UGT1A5: variants seen among roughly 807,000 people sequenced by gnomAD.
UGT1A5 encodes UDP glucuronosyltransferase family 1 member A5.
A neutral mutation model predicts 40.3 loss-of-function variants in UGT1A5; 29 were observed. That is an observed-to-expected ratio of 0.72 (90% CI 0.54 to 0.98). UGT1A5 has a LOEUF of 0.98. Ranked by LOEUF, UGT1A5 falls within the 50% of genes least tolerant of loss-of-function variation. UGT1A5 has a pLI of 0.00. For synonymous variants in UGT1A5, 257 were observed against 262.5 expected, an observed-to-expected ratio of 0.98 and a Z score of 0.20; for missense variants, 678 against 677.9, an observed-to-expected ratio of 1.00 and a Z score of 0.00.
intron 1 of UGT1A5, among the ~76,000 whole-genome samples, chr2:233,728,063 G>A (rs1347092156): frequency 6.6e-6 from 1 of 152,218 alleles, no homozygotes; most frequent in African/African-American, 2.4e-5. Flanking sequence ...TGAGGCCCTT[G>A]TGAGTGCTCA....
intron 1 of UGT1A5, among the ~76,000 whole-genome samples, chr2:233,765,971 T>A (rs950382144): frequency 6.6e-6 from 1 of 152,072 alleles, no homozygotes; most frequent in African/African-American, 2.4e-5. Context: ...TAGAGGTGGA[T>A]GTTTACAGCT....
At chr2:233,747,961 G>A (rs529720964) in intron 1 of UGT1A5, 1 of 1,613,428 alleles carries the variant, frequency 6.2e-7, no homozygotes, top group South Asian at 1.1e-5. Context: ...GATCTTCTCA[G>A]CCATGCATCT....
chr2:233,729,585 C>G lies in UGT1A5; in HGVS notation c.867+15727C>G, dbSNP rs138617806. The G allele has an allele frequency of 8.1e-6, 13 of 1,613,966 alleles. No individual in the cohort carries two copies. In the African/African-American group the frequency reaches 1.3e-4, roughly 17 times the overall value. ...CCTTTGATGTGGTTTTAACAGACCC[C>G]GTTAACCTCTGCGCGGCAGTGCTGG... On this transcript the variant is annotated intron_variant, in intron 1 of 4. Coordinates refer to ENST00000373414, the MANE Select transcript of UGT1A5 (RefSeq NM_019078.2).
chr2:233,729,994 G>A, intron 1 of UGT1A5: 1 of 1,613,954 alleles, frequency 6.2e-7, no homozygotes. Flanking sequence ...ACTATCTCAG[G>A]TCTGTATTGG....
chr2:233,728,954 G>A (rs2077771414), intron 1 of UGT1A5, among the ~76,000 whole-genome samples: 1 of 150,840 alleles, frequency 6.6e-6, no homozygotes, highest in Admixed American at 6.6e-5. Flanking sequence ...GGGGCCCACA[G>A]TGAAAAACAG....
At chr2:233,715,843 A>G (rs1265547355) in intron 1 of UGT1A5, among the ~76,000 whole-genome samples, 1 of 152,196 alleles carries the variant, frequency 6.6e-6, no homozygotes, top group Non-Finnish European at 1.5e-5. Context: ...TAAAACTCCA[A>G]TATGAAAAGC....
Position 233,747,650 on chromosome 2 carries a change from C to T in UGT1A5, c.868-19384C>T, listed in dbSNP as rs980868950. 70 of 1,587,860 alleles carry T rather than the reference C, an allele frequency of 4.4e-5. 1 individual carries two copies. The highest frequency in any genetic ancestry group is 2.1e-4 in the South Asian group (19 of 90,526). On this transcript the variant is annotated intron_variant, in intron 1 of 4. Transcript: ENST00000373414. Reference sequence around the variant, plus strand: ...TCAGGCACCTGAATGCTACTTCCTTCGATGTGGTTTTAATAGACCCAATTT... The same window carrying T: ...TCAGGCACCTGAATGCTACTTCCTTTGATGTGGTTTTAATAGACCCAATTT...
chr2:233,761,935 G>A (rs1036526239), intron 1 of UGT1A5, among the ~76,000 whole-genome samples: 1 of 152,192 alleles, frequency 6.6e-6, no homozygotes, highest in African/African-American at 2.4e-5. Context: ...GCACTTCCCA[G>A]GTGCTGCGTC....
chr2:233,739,265 T>C (rs749101347), intron 1 of UGT1A5, among the ~76,000 whole-genome samples: 1 of 152,088 alleles, frequency 6.6e-6, no homozygotes, highest in Non-Finnish European at 1.5e-5. Flanking sequence ...AAATGTGAGG[T>C]TGGAGCCCCC....
rs765612353 is a variant in UGT1A5 at position 233,772,386 on chromosome 2, G to T, written c.1432G>T (p.Ala478Ser). The T allele has an allele frequency of 6.2e-7, 1 of 1,614,110 alleles. No homozygotes were observed. Among genetic ancestry groups the T allele is most frequent in the Non-Finnish European group, 8.5e-7 (1 of 1,180,046 alleles). The change falls in exon 5 of 5, where the codon GCA becomes TCA. Residue 478 changes from alanine (A) to serine (S), a missense_variant. Coordinates refer to ENST00000373414, the MANE Select transcript of UGT1A5 (RefSeq NM_019078.2). Reference sequence around the variant, plus strand: ...CAAGGGCGCGCCACACCTGCGCCCCGCAGCCCACGACCTCACCTGGTACCA... The same window carrying T: ...CAAGGGCGCGCCACACCTGCGCCCCTCAGCCCACGACCTCACCTGGTACCA... ...RHKGAPHLRP[A>S]AHDLTWYQYH...
intron 1 of UGT1A5, among the ~76,000 whole-genome samples, chr2:233,727,524 C>T (rs1429199465): frequency 6.6e-6 from 1 of 152,188 alleles, no homozygotes; most frequent in Non-Finnish European, 1.5e-5. Flanking sequence ...GAAGAGCACA[C>T]TACCAGGCGT....
At chr2:233,718,787 G>T (rs780688906) in intron 1 of UGT1A5, 1 of 1,613,100 alleles carries the variant, frequency 6.2e-7, no homozygotes, top group South Asian at 1.1e-5. Flanking sequence ...CACAGCGTGG[G>T]GTGGACAGTC....
chr2:233,761,154 G>C, intron 1 of UGT1A5: 3 of 1,614,240 alleles, frequency 1.9e-6, no homozygotes, highest in African/African-American at 2.7e-5. Context: ...TATCCCAGGT[G>C]TGTATTGGAG....
intron 1 of UGT1A5, chr2:233,760,701 C>T (rs768185321): frequency 1.2e-5 from 19 of 1,614,172 alleles, no homozygotes; most frequent in Non-Finnish European, 1.6e-5. Flanking sequence ...AGCTCATGGC[C>T]TCCCTGGCAG....
chr2:233,719,411 A>G, intron 1 of UGT1A5: 1 of 1,613,946 alleles, frequency 6.2e-7, no homozygotes. Context: ...TTCCTAAGTT[A>G]CTAACGACCA....
chr2:233,718,130 TGG>T, intron 1 of UGT1A5: 1 of 281,258 alleles, frequency 3.6e-6, no homozygotes. Flanking sequence ...ATGGTGTAGA[TGG>T]AGAATCCTCA....
At chr2:233,736,477 G>A (rs565407070) in intron 1 of UGT1A5, among the ~76,000 whole-genome samples, 3 of 152,154 alleles carry the variant, frequency 2.0e-5, no homozygotes, top group African/African-American at 7.2e-5. Context: ...GCTTGGAGAG[G>A]TTTGTTACTA....
chr2:233,768,143 G>A lies in UGT1A5; in HGVS notation c.1088-77G>A, dbSNP rs995477416. ...GTGAGTAACACTGAGTCTTTGGAGTGTTTTCAGAACCTAGATGTGTCCAGC... is the reference window on the plus strand; with the variant it reads ...GTGAGTAACACTGAGTCTTTGGAGTATTTTCAGAACCTAGATGTGTCCAGC... On this transcript the variant is annotated intron_variant, in intron 3 of 4. Coordinates refer to ENST00000373414, the MANE Select transcript of UGT1A5 (RefSeq NM_019078.2). 1.6e-5 allele frequency: 26 copies of A among 1,610,468 alleles called. No homozygotes were observed. In the African/African-American group the frequency reaches 3.5e-4, roughly 22 times the overall value.
At chr2:233,760,603 C>T in intron 1 of UGT1A5, 1 of 1,614,202 alleles carries the variant, frequency 6.2e-7, no homozygotes, top group Non-Finnish European at 8.5e-7. Context: ...TGATTCTTTC[C>T]TGCAGCGTGT....
Sources: gnomAD v4.1 joint callset for allele counts (sites outside exome capture counted in the v4.1 genomes callset) on GRCh38, gnomAD v4.1.1 for gene constraint, MANE v1.5 for transcripts, NCBI Gene and HGNC (gene_info 2026-07-23, HGNC 2026-07-21) for gene names.